RTTN: variants seen among roughly 807,000 people sequenced by gnomAD.
RTTN encodes the protein rotatin.
In RTTN, 182 loss-of-function variants were observed where a neutral mutation model predicts 269.2. That is an observed-to-expected ratio of 0.68 (90% CI 0.60 to 0.76). The LOEUF (loss-of-function observed/expected upper bound fraction) is 0.76, where lower values mean the gene tolerates loss of function less well. Ranked by LOEUF, RTTN falls within the 30% of genes least tolerant of loss-of-function variation. RTTN has a pLI of 0.00. For synonymous variants in RTTN, 1,006 were observed against 963.5 expected (o/e 1.04, Z -0.82); for missense variants, 2,545 against 2,608.6 (o/e 0.98, Z 0.53).
Position 70,088,133 on chromosome 18 carries a change from T to A in RTTN, c.4158A>T (p.Ser1386=). 2.5e-6 allele frequency: 4 copies of A among 1,612,620 alleles called. No individual in the cohort carries two copies. Among genetic ancestry groups the A allele is most frequent in the Non-Finnish European group, 1.7e-6 (2 of 1,179,468 alleles). The part of the protein sequence containing the change: ...VDRDPEVRFT[S]LGLGSALTTL... The stretch of plus-strand genomic sequence containing the variant: ...TGGTCAGTGCTGATCCTAATCCCAG[T>A]GAAGTGAATCTCACCTGTTCAAATT... Residue 1386 remains serine, a synonymous_variant, in exon 31 of 49, where the codon TCA becomes TCT. Transcript: ENST00000640769.
At chr18:70,031,332 G>T (rs2057006873) in intron 40 of RTTN, 1 of 401,292 alleles carries the variant, frequency 2.5e-6, no homozygotes, top group South Asian at 1.2e-4. Context: ...TAAAACTGCT[G>T]AACAGGAGAA....
intron 12 of RTTN, among the ~76,000 whole-genome samples, chr18:70,167,321 C>A (rs2145913815): frequency 6.6e-6 from 1 of 152,274 alleles, no homozygotes; most frequent in South Asian, 2.1e-4. Context: ...TGTAGCTCTA[C>A]CTCCCCTAAT....
At position 70,094,838 on chromosome 18, in the gene RTTN, CT is replaced by C. The variant is rs563330665; in HGVS notation, c.3904-2035del. Among the ~76,000 whole-genome samples the C allele has an allele frequency of 2.1e-3, 305 of 145,532 alleles. 1 individual carries two copies. The highest frequency in any genetic ancestry group is 5.5e-3 in the South Asian group (25 of 4,554). ...AGCTGAGTTCAACTCTTGAATATCCCTTTTTTTTTTTCTGAATATCCTTTTT... is the reference window on the plus strand; with the variant it reads ...AGCTGAGTTCAACTCTTGAATATCCCTTTTTTTTTTCTGAATATCCTTTTT... On this transcript the variant is annotated intron_variant, in intron 28 of 48. Coordinates refer to ENST00000640769, the MANE Select transcript of RTTN (RefSeq NM_173630.4).
Position 70,128,452 on chromosome 18 carries a change from C to A in RTTN, c.3049G>T (p.Val1017Leu), listed in dbSNP as rs780594967. 3.1e-6 allele frequency: 5 copies of A among 1,613,282 alleles called. No individual in the cohort carries two copies. Among genetic ancestry groups the A allele is most frequent in the East Asian group, 2.2e-5 (1 of 44,842 alleles). Residue 1017 changes from valine to leucine, a missense_variant, in exon 24 of 49, where the codon GTG becomes TTG. Physicochemically the swap from Val to Leu is conservative, Grantham distance 32 (BLOSUM62 1). Transcript: ENST00000640769. ...CAAGCTATTCTCAGCATATCTGACA[C>A]CGGCTTCAAGGCCAAACAATCAGCA... ...LSADCLALKP[V>L]SDMLRIAWNL...
rs768583953 is a variant in RTTN at position 70,109,529 on chromosome 18, A to G, written c.3872T>C (p.Ile1291Thr). The G allele has an allele frequency of 9.5e-5, 153 of 1,614,004 alleles. No individual in the cohort carries two copies. Among genetic ancestry groups the G allele is most frequent in the Non-Finnish European group, 1.3e-4 (148 of 1,180,010 alleles). Reference sequence around the variant, plus strand: ...GAGACCTGACAAGTACTTCACACAGATATCTAGAGGCTTTGTGAGAGGAGA... The same window carrying G: ...GAGACCTGACAAGTACTTCACACAGGTATCTAGAGGCTTTGTGAGAGGAGA... ...SHSPLTKPLD[I>T]CVKYLSGLLE... Residue 1291 changes from isoleucine (I) to threonine (T), a missense_variant, in exon 28 of 49, where the codon ATC (isoleucine) becomes ACC (threonine). Transcript: ENST00000640769.
At chr18:70,075,824 C>A (rs1019360816) in intron 32 of RTTN, among the ~76,000 whole-genome samples, 2 of 151,886 alleles carry the variant, frequency 1.3e-5, no homozygotes, top group Non-Finnish European at 2.9e-5. Flanking sequence ...TCAGCTTTAA[C>A]CAAGAAATCA....
intron 40 of RTTN, among the ~76,000 whole-genome samples, chr18:70,044,891 G>A (rs1019383372): frequency 8.5e-5 from 13 of 152,082 alleles, no homozygotes; most frequent in African/African-American, 3.1e-4. Flanking sequence ...TGTATTTCTG[G>A]AATTTTCCAT....
chr18:70,134,138 G>A (rs2060064179), intron 23 of RTTN, among the ~76,000 whole-genome samples: 1 of 152,004 alleles, frequency 6.6e-6, no homozygotes, highest in African/African-American at 2.4e-5. Context: ...ATTGGTGGGT[G>A]AGGGAGAATT....
chr18:70,176,391 T>G (rs1440051896), intron 11 of RTTN, among the ~76,000 whole-genome samples: 2 of 152,118 alleles, frequency 1.3e-5, no homozygotes, highest in African/African-American at 4.8e-5. Context: ...AATTATTCAC[T>G]GAATGAACAA....
At chr18:70,151,241 G>A (rs2061601) in intron 14 of RTTN, among the ~76,000 whole-genome samples, 147,347 of 148,236 alleles carry the variant, frequency 0.99, 73,234 homozygotes, top group East Asian at 1. Context: ...ACATATTTAT[G>A]TCCTATATAT....
At chr18:70,082,083 TA>T (rs1208398303) in intron 32 of RTTN, among the ~76,000 whole-genome samples, 1 of 152,104 alleles carries the variant, frequency 6.6e-6, no homozygotes, top group Non-Finnish European at 1.5e-5. Context: ...AAATAAAGTT[TA>T]AAAAGTCTGT....
At position 70,167,628 on chromosome 18, in the gene RTTN, C is replaced by G. The variant is rs1485172994; in HGVS notation, c.1690-597G>C. ...ATCCCAGCTACTTGAGAGGCTGAGG[C>G]GGGAGGTGGAGCTTGCAGTGCGCCA... On this transcript the variant is annotated intron_variant, in intron 12 of 48. Coordinates refer to ENST00000640769, the MANE Select transcript of RTTN (RefSeq NM_173630.4). Among the ~76,000 whole-genome samples the G allele has an allele frequency of 2.0e-5, 3 of 149,970 alleles. No homozygotes were observed. In the East Asian group the frequency reaches 6.0e-4, roughly 30 times the overall value.
intron 6 of RTTN, 142 bp downstream of exon 6, chr18:70,197,482 A>G: frequency 1.5e-6 from 1 of 662,302 alleles, no homozygotes; most frequent in Non-Finnish European, 2.7e-6. Flanking sequence ...GTTAGCGAAT[A>G]AGTGCTTTAA....
chr18:70,039,101 C>T (rs2057263122), intron 40 of RTTN, among the ~76,000 whole-genome samples: 1 of 151,796 alleles, frequency 6.6e-6, no homozygotes, highest in South Asian at 2.1e-4. Context: ...AAAAAATAGC[C>T]TCGAAAGGGC....
intron 43 of RTTN, 32 bp from the exon 44 acceptor site, chr18:70,024,880 T>C: frequency 6.2e-7 from 1 of 1,603,466 alleles, no homozygotes; most frequent in Non-Finnish European, 8.5e-7. Flanking sequence ...ACAGCATTAG[T>C]CTGAATATAT....
chr18:70,134,046 G>A (rs1452707312), intron 23 of RTTN, among the ~76,000 whole-genome samples: 1 of 152,080 alleles, frequency 6.6e-6, no homozygotes, highest in Non-Finnish European at 1.5e-5. Context: ...TAGCAGTTAT[G>A]TAGAATAATG....
intron 44 of RTTN, among the ~76,000 whole-genome samples, chr18:70,022,968 C>T (rs1177930806): frequency 3.9e-5 from 6 of 152,166 alleles, no homozygotes; most frequent in Non-Finnish European, 8.8e-5. Flanking sequence ...ATGACAATGA[C>T]TCCTGTGGTA....
At chr18:70,147,961 C>T (rs78666848) in intron 17 of RTTN, among the ~76,000 whole-genome samples, 2,950 of 152,118 alleles carry the variant, frequency 0.019, 96 homozygotes, top group African/African-American at 0.066. Flanking sequence ...ACGTTAACTC[C>T]CTCTGCCCTA....
chr18:70,104,916 G>A (rs1032199380), intron 28 of RTTN, among the ~76,000 whole-genome samples: 8 of 152,336 alleles, frequency 5.3e-5, no homozygotes, highest in Non-Finnish European at 1.0e-4. Context: ...CTACTGGGAA[G>A]TGTCTCCCAG....
Sources: gnomAD v4.1 joint callset for allele counts (sites outside exome capture counted in the v4.1 genomes callset) on GRCh38, gnomAD v4.1.1 for gene constraint, MANE v1.5 for transcripts, NCBI Gene and HGNC (gene_info 2026-07-23, HGNC 2026-07-21) for gene names.